Variants in DRC8 observed in about 807,000 individuals in gnomAD.
The protein encoded by DRC8 is dynein regulatory complex subunit 8, also known as dynein regulatory complex protein 8.
chr1:245,124,547 C>A, the DRC8 span: 1 of 151,646 alleles, frequency 6.6e-6, no homozygotes, highest in African/African-American at 2.4e-5. Flanking sequence ...TCCTTGTAAC[C>A]AACAGTGACG....
chr1:244,977,205 T>C, the DRC8 span, among the ~76,000 whole-genome samples: 2 of 152,192 alleles, frequency 1.3e-5, no homozygotes, highest in African/African-American at 4.8e-5. Flanking sequence ...GTTCTGGAGA[T>C]TGGTTGCCCA....
At chr1:245,081,546 G>A in the DRC8 span, among the ~76,000 whole-genome samples, 1 of 152,016 alleles carries the variant, frequency 6.6e-6, no homozygotes, top group Non-Finnish European at 1.5e-5. Context: ...TCGGCTCACT[G>A]CAACCTCCAT....
At chr1:245,005,599 T>C in the DRC8 span, among the ~76,000 whole-genome samples, 1 of 152,286 alleles carries the variant, frequency 6.6e-6, no homozygotes, top group South Asian at 2.1e-4. Context: ...TGCCTCGGCC[T>C]CCCAAAGTGC....
the DRC8 span, among the ~76,000 whole-genome samples, chr1:245,021,912 C>T: frequency 2.0e-5 from 3 of 152,164 alleles, no homozygotes; most frequent in African/African-American, 4.8e-5. Flanking sequence ...TGAGCTCAAG[C>T]GATCCTCCTG....
At chr1:245,121,094 A>AT in the DRC8 span, among the ~76,000 whole-genome samples, 1 of 152,232 alleles carries the variant, frequency 6.6e-6, no homozygotes, top group African/African-American at 2.4e-5. Flanking sequence ...ACCTTTGTAT[A>AT]TTTTTATTAA....
the DRC8 span, among the ~76,000 whole-genome samples, chr1:244,984,835 A>AC: frequency 2.3e-5 from 3 of 131,554 alleles, no homozygotes. Flanking sequence ...ACTCTGTCAA[A>AC]AAACACCCCC....
chr1:245,119,067 A>AT, the DRC8 span, among the ~76,000 whole-genome samples: 10 of 152,320 alleles, frequency 6.6e-5, no homozygotes, highest in African/African-American at 2.4e-4. Context: ...TCTGGCTGTT[A>AT]TGCGAGGGTG....
At chr1:245,001,942 C>A in the DRC8 span, among the ~76,000 whole-genome samples, 5 of 152,182 alleles carry the variant, frequency 3.3e-5, no homozygotes, top group African/African-American at 1.2e-4. Context: ...ACTTACTCTT[C>A]TTTGAGGTCA....
At chr1:244,970,213 C>T in the DRC8 span, 4 of 756,464 alleles carry the variant, frequency 5.3e-6, no homozygotes, top group African/African-American at 3.5e-5. Context: ...TGGTCTTCCC[C>T]CAGCGCGAGG....
chr1:245,075,985 A>C, the DRC8 span, among the ~76,000 whole-genome samples: 252 of 152,298 alleles, frequency 1.7e-3, no homozygotes, highest in African/African-American at 5.8e-3. Context: ...TGCCCTCTAG[A>C]CATGGGGCGA....
At chr1:245,118,327 C>T in the DRC8 span, among the ~76,000 whole-genome samples, 13 of 152,284 alleles carry the variant, frequency 8.5e-5, no homozygotes, top group Middle Eastern at 3.4e-3. Flanking sequence ...GGGACAGGTG[C>T]GCTGGGCTTG....
chr1:245,043,946 C>T, the DRC8 span: 1 of 152,196 alleles, frequency 6.6e-6, no homozygotes, highest in Non-Finnish European at 1.5e-5. Context: ...TTCAGCAGCA[C>T]TTATCTAAGA....
the DRC8 span, among the ~76,000 whole-genome samples, chr1:245,121,634 A>C: frequency 3.7e-4 from 56 of 152,268 alleles, no homozygotes; most frequent in African/African-American, 1.3e-3. Flanking sequence ...CTGCACCTCT[A>C]CTACCAAAGG....
At chr1:245,034,671 A>G in the DRC8 span, among the ~76,000 whole-genome samples, 1 of 151,324 alleles carries the variant, frequency 6.6e-6, no homozygotes. Context: ...AGATACAACC[A>G]AATTAAGACT....
chr1:245,065,073 C>CTTTTTTTTTTTTTTTTTT, the DRC8 span, among the ~76,000 whole-genome samples: 78 of 81,586 alleles, frequency 9.6e-4, 1 homozygote, highest in Non-Finnish European at 1.1e-3. Context: ...TAACATTCTT[C>CTTTTTTTTTTTTTTTTTT]TTTTTTTTTT....
the DRC8 span, among the ~76,000 whole-genome samples, chr1:245,009,026 T>C: frequency 8.3e-6 from 1 of 120,032 alleles, no homozygotes; most frequent in Admixed American, 9.8e-5. Flanking sequence ...GATTATGCTT[T>C]TCTTTTTTTT....
chr1:244,970,669 GCCCCGCCCCGCCTCTC>G, the DRC8 span: 2 of 352,298 alleles, frequency 5.7e-6, no homozygotes, highest in African/African-American at 1.8e-4. Context: ...TCTCTCCCCC[GCCCCGCCCCGCCTCTC>G]TCCCCTCTTC....
chr1:245,003,169 G>A, the DRC8 span, among the ~76,000 whole-genome samples: 4 of 152,056 alleles, frequency 2.6e-5, no homozygotes, highest in Non-Finnish European at 4.4e-5. Context: ...TGTGTATGCC[G>A]CATTTTGTTT....
the DRC8 span, among the ~76,000 whole-genome samples, chr1:245,067,196 G>A: frequency 4.6e-5 from 7 of 151,694 alleles, no homozygotes; most frequent in Non-Finnish European, 1.0e-4. Context: ...GCATGATCTC[G>A]GCTCACTGCA....
Sources: gnomAD v4.1 joint callset for allele counts (sites outside exome capture counted in the v4.1 genomes callset) on GRCh38, gnomAD v4.1.1 for gene constraint, MANE v1.5 for transcripts, NCBI Gene and HGNC (gene_info 2026-07-23, HGNC 2026-07-21) for gene names.